Variants in SHPRH observed in about 807,000 individuals in gnomAD.
SHPRH encodes E3 ubiquitin-protein ligase SHPRH.
A neutral mutation model predicts 202.5 loss-of-function variants in SHPRH; 106 were observed. That is an observed-to-expected ratio of 0.52 (90% confidence interval 0.45 to 0.62). SHPRH has a LOEUF of 0.62. SHPRH is among the 20% of genes least tolerant of loss of function. The pLI is 0.00. For synonymous variants in SHPRH, 729 were observed against 686.0 expected (o/e 1.06, Z -0.98); for missense variants, 1,710 against 2,020.0 (o/e 0.85, Z 2.94).
chr6:145,915,433 C>A (rs1300401711), intron 23 of SHPRH, among the ~76,000 whole-genome samples: 1 of 151,794 alleles, frequency 6.6e-6, no homozygotes, highest in African/African-American at 2.4e-5. Context: ...TTCCTTCCAT[C>A]CAAAGAAGTT....
At chr6:145,877,150 T>TGTATGAATA (rs1408611800) in intron 2 of SHPRH, among the ~76,000 whole-genome samples, 1 of 152,202 alleles carries the variant, frequency 6.6e-6, no homozygotes, top group African/African-American at 2.4e-5. Flanking sequence ...TATGAGTTTT[T>TGTATGAATA]GTATGAATAT....
chr6:145,935,198 C>A (rs1477670293), intron 12 of SHPRH, 35 bp from the exon 13 acceptor site: 1 of 1,592,984 alleles, frequency 6.3e-7, no homozygotes, highest in Non-Finnish European at 8.5e-7. Flanking sequence ...AAAAAGATAT[C>A]ATCTAAAAAT....
At chr6:145,898,023 G>C (rs1782165982) in intron 25 of SHPRH, among the ~76,000 whole-genome samples, 1 of 151,880 alleles carries the variant, frequency 6.6e-6, no homozygotes, top group Non-Finnish European at 1.5e-5. Flanking sequence ...GAGCAATTAG[G>C]CAAGAAAAAG....
chr6:145,946,266 C>A lies in SHPRH; in HGVS notation c.1288G>T (p.Glu430Ter). ...KLKKTEIQNI[E>*]FEPKEKVQCP... ...TGAACTTTTTCTTTTGGTTCAAATT[C>A]GATATTCTGGATTTCTGTCTTTTTC... is the stretch of plus-strand genomic sequence containing the variant. Residue 430 changes from glutamate to a stop codon, truncating the protein, a stop_gained, in exon 7 of 30, where the codon GAA becomes TAA. Transcript: ENST00000275233. LOFTEE classifies it high-confidence loss of function. 1 of 1,608,478 alleles carries A rather than the reference C, an allele frequency of 6.2e-7. No homozygotes were observed.
rs746218877 is a variant in SHPRH at position 145,941,652 on chromosome 6, C to T, written c.2461G>A (p.Ala821Thr). ...ACTGTGGGACACTCAACCATCTGAGCTTCATCAAGGCAGATCCTCCACCAC... is the reference window on the plus strand; with the variant it reads ...ACTGTGGGACACTCAACCATCTGAGTTTCATCAAGGCAGATCCTCCACCAC... ...VEWWRICLDE[A>T]QMVECPTVKA... The change falls in exon 10 of 30, where the codon GCT becomes ACT. Residue 821 changes from alanine to threonine, a missense_variant. Ala to Thr is a moderately conservative substitution (Grantham distance 58). This residue lies in a region of SHPRH where 277 missense variants were observed against 363.0 expected (regional missense o/e 0.76). Coordinates refer to ENST00000275233, the MANE Select transcript of SHPRH (RefSeq NM_001042683.3). 6 of 1,613,874 alleles carry T rather than the reference C, an allele frequency of 3.7e-6. No homozygotes were observed. Among genetic ancestry groups the T allele is most frequent in the African/African-American group, 1.3e-5 (1 of 74,918 alleles).
At position 145,943,669 on chromosome 6, in the gene SHPRH, C is replaced by T; in HGVS notation, c.1712G>A (p.Arg571Lys). The change falls in exon 9 of 30, where the codon AGA becomes AAA. Residue 571 changes from arginine (R) to lysine (K), a missense_variant. Arg to Lys is a conservative substitution (Grantham distance 26). Around this residue, in one of 8 missense-constraint regions of SHPRH, gnomAD observed 348 missense variants for 356.9 expected, o/e 0.97. Transcript: ENST00000275233. ...DPYYYYYKSR[R>K]NRSKLRKKLV... ...CTTTTTCCTCAATTTACTGCGATTT[C>T]TCCTGGACTTATAATAATAATAGTA... 6.2e-7 allele frequency: 1 copy of T among 1,613,818 alleles called. No individual in the cohort carries two copies. Among genetic ancestry groups the T allele is most frequent in the Admixed American group, 1.7e-5 (1 of 59,954 alleles).
intron 14 of SHPRH, among the ~76,000 whole-genome samples, chr6:145,932,036 A>G (rs1447660817): frequency 6.6e-6 from 1 of 151,412 alleles, no homozygotes; most frequent in Non-Finnish European, 1.5e-5. Context: ...CTATACTTTG[A>G]CTTTATTGAT....
chr6:145,886,965 T>G (rs1781076465), intron 29 of SHPRH, among the ~76,000 whole-genome samples, 178 bp from the exon 30 acceptor site: 1 of 152,182 alleles, frequency 6.6e-6, no homozygotes, highest in Non-Finnish European at 1.5e-5. Context: ...AAGTGAAGAT[T>G]TCTATATATT....
intron 2 of SHPRH, among the ~76,000 whole-genome samples, chr6:145,879,092 T>A (rs1376749480): frequency 6.6e-6 from 1 of 152,194 alleles, no homozygotes; most frequent in Non-Finnish European, 1.5e-5. Context: ...TCAGTGCTTA[T>A]GAGCTGGGTC....
chr6:145,948,607 G>C (rs751288209), intron 4 of SHPRH, among the ~76,000 whole-genome samples: 12 of 152,006 alleles, frequency 7.9e-5, no homozygotes, highest in Non-Finnish European at 1.3e-4. Flanking sequence ...TAATAGGACA[G>C]ATAAGCAAAG....
Position 145,923,891 on chromosome 6 carries a change from C to T in SHPRH, c.3403-106G>A, listed in dbSNP as rs186948902. 254 of 1,156,568 alleles carry T rather than the reference C, an allele frequency of 2.2e-4. 2 individuals carry two copies. The highest frequency in any genetic ancestry group is 1.9e-3 in the Middle Eastern group (7 of 3,748). The allele number at this position is 1,156,568 out of a possible 1,614,324, so 71.6% of individuals were successfully genotyped here. A position where few individuals can be genotyped will look rare whatever the true frequency, so the allele number is the denominator to read the frequency against. ...CAAAATTCAAAGAAAGTAATAAATGCTATTCTCAAAGGGACTATCACAGAG... is the reference window on the plus strand; with the variant it reads ...CAAAATTCAAAGAAAGTAATAAATGTTATTCTCAAAGGGACTATCACAGAG... On this transcript the variant is annotated intron_variant, in intron 17 of 29. Transcript: ENST00000275233.
At chr6:145,953,854 G>A (rs952013050) in intron 2 of SHPRH, among the ~76,000 whole-genome samples, 2 of 151,966 alleles carry the variant, frequency 1.3e-5, no homozygotes, top group Non-Finnish European at 2.9e-5. Flanking sequence ...GAATGACAGA[G>A]ACTGAAATAA....
At position 145,954,536 on chromosome 6, in the gene SHPRH, T is replaced by C. The variant is rs534366730; in HGVS notation, c.633+154A>G. On this transcript the variant is annotated intron_variant, in intron 2 of 29. Transcript: ENST00000275233. Reference sequence around the variant, plus strand: ...AGCCTGAAAATGATTAGTTGTAACATACTTTGAATAGTTATTAAAAGCTTA... The same window carrying C: ...AGCCTGAAAATGATTAGTTGTAACACACTTTGAATAGTTATTAAAAGCTTA... Among the ~76,000 whole-genome samples the C allele has an allele frequency of 2.0e-5, 3 of 152,258 alleles. No individual in the cohort carries two copies. In the South Asian group the frequency reaches 6.2e-4, roughly 32 times the overall value.
rs1284880482 is a variant in SHPRH at position 145,934,809 on chromosome 6, T to C, written c.2990+98A>G. On this transcript the variant is annotated intron_variant, in intron 13 of 29. Coordinates refer to ENST00000275233, the MANE Select transcript of SHPRH (RefSeq NM_001042683.3). Reference sequence around the variant, plus strand: ...AACCCTCTACACCATTAAAGATAACTGACAACTCAGTTACATGTCTCTGAA... The same window carrying C: ...AACCCTCTACACCATTAAAGATAACCGACAACTCAGTTACATGTCTCTGAA... 5 of 1,199,662 alleles carry C rather than the reference T, an allele frequency of 4.2e-6. No individual in the cohort carries two copies. The African/African-American group carries it at 6.1e-5, about 15-fold the overall frequency. 74.3% of individuals were successfully genotyped at this position (1,199,662 alleles called of 1,614,324 possible).
chr6:145,944,362 G>C (rs558560581), intron 8 of SHPRH, among the ~76,000 whole-genome samples: 1 of 152,242 alleles, frequency 6.6e-6, no homozygotes, highest in Non-Finnish European at 1.5e-5. Context: ...CGGTTTCAAA[G>C]GGGTCTACTG....
chr6:145,957,968 C>T (rs1291751337), intron 1 of SHPRH, among the ~76,000 whole-genome samples: 1 of 152,184 alleles, frequency 6.6e-6, no homozygotes, highest in Admixed American at 6.5e-5. Flanking sequence ...CATAGTCACA[C>T]AATGGAATAC....
intron 28 of SHPRH, among the ~76,000 whole-genome samples, chr6:145,892,831 AC>A (rs1394022944): frequency 1.3e-5 from 2 of 152,050 alleles, no homozygotes; most frequent in African/African-American, 4.8e-5. Flanking sequence ...TCTTTTAAAC[AC>A]GGGACTACTT....
rs780219642 is a variant in SHPRH, at chr6:145,947,677, G to A, written c.1062-34C>T. Reference sequence around the variant, plus strand: ...AAAAACAAGATAAATCACATCATAGGAATGTGAATACAAATTACAATGTTC... The same window carrying A: ...AAAAACAAGATAAATCACATCATAGAAATGTGAATACAAATTACAATGTTC... On this transcript the variant is annotated intron_variant, in intron 5 of 29. Coordinates refer to ENST00000275233, the MANE Select transcript of SHPRH (RefSeq NM_001042683.3). 7 of 1,605,582 alleles carry A rather than the reference G, an allele frequency of 4.4e-6. No homozygotes were observed. In the East Asian group the frequency reaches 1.1e-4, roughly 26 times the overall value.
rs767197280 is a variant in SHPRH, at chr6:145,924,777, A to G, written c.3364T>C (p.Tyr1122His). 6.2e-7 allele frequency: 1 copy of G among 1,611,900 alleles called. No individual in the cohort carries two copies. The highest frequency in any genetic ancestry group is 1.3e-5 in the African/African-American group (1 of 74,904). The stretch of plus-strand genomic sequence containing the variant: ...TCATGGATGGTCTGCTGCACAGGAT[A>G]TAAAGCTTGCTGGGCTTCAGCAACT... ...TEVAEAQQALYPVQQTIHELQ... is the reference protein window; with the variant it reads ...TEVAEAQQALHPVQQTIHELQ... Residue 1122 changes from tyrosine (Y) to histidine (H), a missense_variant, in exon 17 of 30, where the codon TAT becomes CAT. Tyr to His is a moderately conservative substitution (Grantham distance 83). Transcript: ENST00000275233.
Sources: allele counts gnomAD v4.1 joint callset (sites outside exome capture counted in the v4.1 genomes callset), GRCh38; gene constraint gnomAD v4.1.1; regional missense constraint gnomAD v4.1.1; transcripts MANE v1.5; gene names NCBI Gene and HGNC (gene_info 2026-07-23, HGNC 2026-07-21).